Variants in SI observed in about 807,000 individuals in gnomAD.
The protein encoded by SI is sucrase-isomaltase, intestinal.
In SI, 235 loss-of-function variants were observed where a neutral mutation model predicts 253.3. The ratio of observed to expected loss-of-function variants is 0.93; its 90% CI spans 0.83 to 1.03. The LOEUF is 1.03. Among genes scored for constraint, SI ranks in the 50% least tolerant of loss-of-function variants. The pLI is 0.00. For synonymous variants in SI, 819 were observed against 712.0 expected (o/e 1.15, Z -2.39); for missense variants, 2,442 against 2,211.1 (o/e 1.10, Z -2.09).
At chr3:165,013,588 G>A (rs1718874962) in intron 33 of SI, among the ~76,000 whole-genome samples, 2 of 151,804 alleles carry the variant, frequency 1.3e-5, no homozygotes, top group East Asian at 1.9e-4. Context: ...CTTCTACTCT[G>A]ACCAGAAACA....
chr3:165,062,383 T>C lies in SI; in HGVS notation c.1008A>G (p.Gln336=). 2 of 1,552,744 alleles carry C rather than the reference T, an allele frequency of 1.3e-6. No individual in the cohort carries two copies. Among genetic ancestry groups the C allele is most frequent in the Non-Finnish European group, 1.8e-6 (2 of 1,124,624 alleles). Residue 336 remains glutamine (Q), a synonymous_variant, in exon 9 of 48, where the codon CAA becomes CAG. Coordinates refer to ENST00000264382, the MANE Select transcript of SI (RefSeq NM_001041.4). ...ACCTGAAACACACCTGTTGATACTG[T>C]TGAACTACTTGTTCTGGTGTATCTC... is the stretch of plus-strand genomic sequence containing the variant. ...LLGDTPEQVV[Q]QYQQLVGLPA...
At chr3:164,982,196 G>T in intron 47 of SI, 47 bp downstream of exon 47, 3 of 1,436,376 alleles carry the variant, frequency 2.1e-6, no homozygotes, top group Non-Finnish European at 2.0e-6. Context: ...CCATGTAGAT[G>T]CTTTAAATAC....
At chr3:165,036,557 A>C in intron 21 of SI, 80 bp from the exon 22 acceptor site, 1 of 953,834 alleles carries the variant, frequency 1.0e-6, no homozygotes. Context: ...GTCCACTTCA[A>C]CCTGTCTGTT....
chr3:165,019,826 A>C, intron 27 of SI, 56 bp from the exon 28 acceptor site: 1 of 1,382,802 alleles, frequency 7.2e-7, no homozygotes, highest in South Asian at 1.2e-5. Flanking sequence ...AAGTAGTATC[A>C]CAAATAATAA....
chr3:165,008,228 T>A (rs1718608079), intron 35 of SI, among the ~76,000 whole-genome samples: 1 of 152,040 alleles, frequency 6.6e-6, no homozygotes, highest in African/African-American at 2.4e-5. Context: ...CTCTGTATTA[T>A]GCATTATACC....
At chr3:165,070,446 T>C (rs1014077889) in intron 3 of SI, among the ~76,000 whole-genome samples, 1 of 150,350 alleles carries the variant, frequency 6.7e-6, no homozygotes, top group Non-Finnish European at 1.5e-5. Flanking sequence ...CAAACTGGGG[T>C]ACAATTGGAT....
intron 34 of SI, among the ~76,000 whole-genome samples, chr3:165,012,585 C>A (rs781026834): frequency 6.8e-6 from 1 of 146,748 alleles, no homozygotes; most frequent in African/African-American, 2.6e-5. Context: ...CCCGCCACCA[C>A]GCCTGGTTAT....
rs1714300907 is a variant in SI, at chr3:165,067,412, G to A, written c.563C>T (p.Thr188Met). 9.9e-6 allele frequency: 16 copies of A among 1,611,700 alleles called. No individual in the cohort carries two copies. Among genetic ancestry groups the A allele is most frequent in the Admixed American group, 3.3e-5 (2 of 59,962 alleles). ...TTGGGCAACCTTCACATCATACAAC[G>A]TATCAGAAACTGTGGGTCCAGTAAA... is the stretch of plus-strand genomic sequence containing the variant. ...KEFTGPTVSDTLYDVKVAQNP... is the reference protein window; with the variant it reads ...KEFTGPTVSDMLYDVKVAQNP... The change falls in exon 6 of 48, where the codon ACG becomes ATG. Residue 188 changes from threonine (T) to methionine (M), a missense_variant. Coordinates refer to ENST00000264382, the MANE Select transcript of SI (RefSeq NM_001041.4).
chr3:165,040,470 A>T (rs1268107847), intron 18 of SI, among the ~76,000 whole-genome samples: 4 of 152,026 alleles, frequency 2.6e-5, no homozygotes, highest in African/African-American at 9.7e-5. Flanking sequence ...TACTTTCTTC[A>T]CTTAACTTTT....
intron 13 of SI, among the ~76,000 whole-genome samples, chr3:165,051,806 A>T (rs923640183): frequency 6.6e-6 from 1 of 151,878 alleles, no homozygotes; most frequent in Non-Finnish European, 1.5e-5. Flanking sequence ...GAAAGTAAAC[A>T]TTATTATGTA....
chr3:165,017,049 A>C (rs1218421920), intron 31 of SI, among the ~76,000 whole-genome samples: 1 of 151,986 alleles, frequency 6.6e-6, no homozygotes, highest in Non-Finnish European at 1.5e-5. Flanking sequence ...GAGGAAATTC[A>C]GAGATTGATC....
chr3:165,015,074 T>A, intron 33 of SI, 49 bp downstream of exon 33: 1 of 1,399,078 alleles, frequency 7.1e-7, no homozygotes, highest in Non-Finnish European at 1.0e-6. Context: ...AAACTTTCAT[T>A]GAAATATAAT....
Position 165,059,172 on chromosome 3 carries a change from A to G in SI, c.1274T>C (p.Ile425Thr), listed in dbSNP as rs2108248691. 6.2e-7 allele frequency: 1 copy of G among 1,612,634 alleles called. No individual in the cohort carries two copies. Among genetic ancestry groups the G allele is most frequent in the Non-Finnish European group, 8.5e-7 (1 of 1,179,196 alleles). ...LHDHGQKYVI[I>T]LDPAISIGRR... ...TAAGGTATAATTGATTATTACCAAGATGATGACATATTTCTGTCCATGGTC... is the reference window on the plus strand; with the variant it reads ...TAAGGTATAATTGATTATTACCAAGGTGATGACATATTTCTGTCCATGGTC... The change falls in exon 11 of 48, where the codon ATC becomes ACC. Residue 425 changes from isoleucine (I) to threonine (T), a missense_variant. Coordinates refer to ENST00000264382, the MANE Select transcript of SI (RefSeq NM_001041.4).
At chr3:165,032,779 GTCA>G (rs1576898227) in intron 23 of SI, 87 bp from the exon 24 acceptor site, 2 of 839,240 alleles carry the variant, frequency 2.4e-6, no homozygotes, top group African/African-American at 1.7e-5. Context: ...GCAAAAAAAG[GTCA>G]TCATCTACAT....
the SI span, among the ~76,000 whole-genome samples, chr3:165,083,673 T>C: frequency 6.6e-6 from 1 of 152,046 alleles, no homozygotes. Flanking sequence ...AATAATAAAA[T>C]GTTAAGTACC....
At chr3:165,000,059 T>C (rs1718189443) in intron 37 of SI, among the ~76,000 whole-genome samples, 1 of 151,320 alleles carries the variant, frequency 6.6e-6, no homozygotes. Context: ...AGAGTAATAA[T>C]TGGTGATAAT....
rs754112650 is a variant in SI at position 165,043,067 on chromosome 3, C to T, written c.1996G>A (p.Gly666Arg). 8.9e-5 allele frequency: 141 copies of T among 1,592,292 alleles called. No individual in the cohort carries two copies. The highest frequency in any genetic ancestry group is 1.1e-4 in the Non-Finnish European group (125 of 1,160,800). Residue 666 changes from glycine (G) to arginine (R), a missense_variant, in exon 17 of 48, where the codon GGA becomes AGA. Physicochemically the swap from Gly to Arg is moderately radical, Grantham distance 125. Coordinates refer to ENST00000264382, the MANE Select transcript of SI (RefSeq NM_001041.4). ...GAACAAGAGGCTCTTACTTCATATC[C>T]GTCAGAATTATGGTTTCTGGAAAAT... ...YPFSRNHNSD[G>R]YEHQDPAFFG... is the part of the protein sequence containing the mutation.
chr3:165,080,222 C>T (rs1046316532), upstream of SI, among the ~76,000 whole-genome samples: 1 of 152,064 alleles, frequency 6.6e-6, no homozygotes, highest in African/African-American at 2.4e-5. Context: ...CTGATAGATT[C>T]AAGAGAAATA....
At chr3:165,017,101 G>A (rs1719070559) in intron 31 of SI, among the ~76,000 whole-genome samples, 2 of 151,788 alleles carry the variant, frequency 1.3e-5, no homozygotes, top group African/African-American at 4.8e-5. Context: ...TGAATATTGA[G>A]TGAATCTCTA....
Sources: allele counts gnomAD v4.1 joint callset (sites outside exome capture counted in the v4.1 genomes callset), GRCh38; gene constraint gnomAD v4.1.1; transcripts MANE v1.5; gene names NCBI Gene and HGNC (gene_info 2026-07-23, HGNC 2026-07-21).